The following RGS22 variants were observed in gnomAD, a reference collection of about 807,000 sequenced individuals.
RGS22 encodes regulator of G protein signaling 22.
Under a neutral mutation model 172.9 loss-of-function variants are expected in RGS22, and 148 were observed. That is an observed-to-expected ratio of 0.86 (90% CI 0.75 to 0.98). RGS22 has a LOEUF of 0.98. Among genes scored for constraint, RGS22 ranks in the 50% least tolerant of loss-of-function variants. The pLI, the probability that RGS22 is intolerant of heterozygous loss-of-function variation, is 0.00. For missense variants in RGS22, 1,347 were observed against 1,440.8 expected, an observed-to-expected ratio of 0.93 and a Z score of 1.05; for synonymous variants, 458 against 480.2, an observed-to-expected ratio of 0.95 and a Z score of 0.60.
intron 12 of RGS22, among the ~76,000 whole-genome samples, chr8:100,040,358 T>G (rs2097585797): frequency 6.6e-6 from 1 of 152,248 alleles, no homozygotes; most frequent in Non-Finnish European, 1.5e-5. Context: ...CAGCCTCAAT[T>G]ATTTTCATGT....
chr8:100,044,154 A>G (rs1234479813), intron 11 of RGS22, among the ~76,000 whole-genome samples: 1 of 152,258 alleles, frequency 6.6e-6, no homozygotes. Flanking sequence ...AAGTACTTAA[A>G]GAAGAACTAA....
intron 19 of RGS22, 147 bp downstream of exon 19, chr8:99,999,115 C>T (rs931190462): frequency 9.0e-6 from 6 of 670,374 alleles, no homozygotes; most frequent in Non-Finnish European, 1.5e-5. Context: ...GCTAGGATCA[C>T]ACCACTGCAC....
rs1235456273 is a variant in RGS22, at chr8:100,051,897, TTATA to T, written c.1689+901_1689+904del. ...TATTTATATATTTATATATAAATGT[TTATA>T]TATTTATATATTTATATATAAATGT... On this transcript the variant is annotated intron_variant, in intron 10 of 27. Coordinates refer to ENST00000360863, the MANE Select transcript of RGS22 (RefSeq NM_015668.5). Among the ~76,000 whole-genome samples the T allele has an allele frequency of 1.2e-4, 6 of 49,740 alleles. 1 individual carries two copies. Among genetic ancestry groups the T allele is most frequent in the African/African-American group, 5.8e-4 (6 of 10,386 alleles). The allele number at this position is 49,740 out of a possible 152,430, so 32.6% of individuals were successfully genotyped here.
At chr8:99,972,776 G>A (rs1370303320) in intron 23 of RGS22, among the ~76,000 whole-genome samples, 1 of 152,140 alleles carries the variant, frequency 6.6e-6, no homozygotes, top group Non-Finnish European at 1.5e-5. Context: ...GCTCACGCCT[G>A]TAATCCCAGC....
chr8:100,052,055 ATT>A (rs1821631478), intron 10 of RGS22, among the ~76,000 whole-genome samples: 2 of 94,984 alleles, frequency 2.1e-5, no homozygotes, highest in Admixed American at 1.6e-4. Flanking sequence ...GTTTATATAT[ATT>A]TATATATTTA....
chr8:100,036,136 A>G (rs1161103562), intron 14 of RGS22, among the ~76,000 whole-genome samples: 5 of 151,812 alleles, frequency 3.3e-5, no homozygotes, highest in Non-Finnish European at 7.4e-5. Flanking sequence ...AAAAATTGAA[A>G]TAAAAGAAAA....
chr8:100,026,537 A>G (rs1365652167), intron 14 of RGS22, among the ~76,000 whole-genome samples: 1 of 152,214 alleles, frequency 6.6e-6, no homozygotes, highest in Non-Finnish European at 1.5e-5. Context: ...CTTATTTGTC[A>G]TGGGACCCAT....
At chr8:100,010,978 G>T (rs1563612660) in intron 14 of RGS22, among the ~76,000 whole-genome samples, 1 of 151,756 alleles carries the variant, frequency 6.6e-6, no homozygotes, top group African/African-American at 2.4e-5. Flanking sequence ...AATCTCTAAA[G>T]ATAAGTTGGA....
intron 14 of RGS22, among the ~76,000 whole-genome samples, chr8:100,012,105 A>G (rs1211441150): frequency 6.6e-6 from 1 of 151,606 alleles, no homozygotes; most frequent in Non-Finnish European, 1.5e-5. Context: ...TATATTATAT[A>G]TATATATGTA....
intron 16 of RGS22, among the ~76,000 whole-genome samples, chr8:100,005,728 A>G (rs1309666260): frequency 1.3e-5 from 2 of 152,190 alleles, no homozygotes; most frequent in Non-Finnish European, 2.9e-5. Context: ...GATAACATTC[A>G]GAGGAATATA....
chr8:99,982,251 C>T (rs1812631286), intron 21 of RGS22, 135 bp from the exon 22 acceptor site: 5 of 652,288 alleles, frequency 7.7e-6, no homozygotes, highest in Non-Finnish European at 1.2e-5. Context: ...TATTTCAAGG[C>T]TGTCTTTAAA....
intron 20 of RGS22, among the ~76,000 whole-genome samples, chr8:99,995,467 C>T (rs1333966154): frequency 6.6e-6 from 1 of 152,214 alleles, no homozygotes; most frequent in Admixed American, 6.5e-5. Flanking sequence ...TGAGCAGACA[C>T]TTCTCAAAAC....
chr8:100,066,629 A>G (rs1797695779), intron 6 of RGS22, among the ~76,000 whole-genome samples: 1 of 152,136 alleles, frequency 6.6e-6, no homozygotes, highest in African/African-American at 2.4e-5. Context: ...GGTGATGGGC[A>G]GTCACCAGGC....
intron 6 of RGS22, among the ~76,000 whole-genome samples, chr8:100,069,899 G>A (rs1422939631): frequency 1.3e-5 from 2 of 151,788 alleles, no homozygotes; most frequent in Non-Finnish European, 2.9e-5. Context: ...GTGGTGGCAC[G>A]TGCCTGTAAT....
intron 14 of RGS22, among the ~76,000 whole-genome samples, chr8:100,013,065 C>T (rs576525631): frequency 1.3e-5 from 2 of 149,320 alleles, no homozygotes; most frequent in African/African-American, 5.0e-5. Flanking sequence ...TCTCGGCTCA[C>T]TGCAAGCTCC....
At chr8:99,985,846 C>T (rs577078750) in intron 21 of RGS22, among the ~76,000 whole-genome samples, 2 of 152,184 alleles carry the variant, frequency 1.3e-5, no homozygotes, top group East Asian at 3.9e-4. Flanking sequence ...ATCTCATTAC[C>T]TCTTGTCCTA....
At chr8:100,014,282 C>T (rs1356100984) in intron 14 of RGS22, among the ~76,000 whole-genome samples, 1 of 152,232 alleles carries the variant, frequency 6.6e-6, no homozygotes. Context: ...TACCTCTCCA[C>T]TGATTCCATT....
At chr8:100,055,092 G>C (rs998431408) in intron 9 of RGS22, among the ~76,000 whole-genome samples, 1 of 152,212 alleles carries the variant, frequency 6.6e-6, no homozygotes, top group Non-Finnish European at 1.5e-5. Flanking sequence ...CCACCCTGAA[G>C]GGAAGGACAC....
intron 14 of RGS22, among the ~76,000 whole-genome samples, chr8:100,025,659 G>A (rs1172620162): frequency 6.6e-6 from 1 of 152,200 alleles, no homozygotes; most frequent in Non-Finnish European, 1.5e-5. Context: ...GTAAAGAGAG[G>A]AGCTAAACAA....
Sources: gnomAD v4.1 joint callset for allele counts (sites outside exome capture counted in the v4.1 genomes callset) on GRCh38, gnomAD v4.1.1 for gene constraint, MANE v1.5 for transcripts, NCBI Gene and HGNC (gene_info 2026-07-23, HGNC 2026-07-21) for gene names.